Variants in PCDHGA6 observed in about 807,000 individuals in gnomAD.
PCDHGA6 encodes the protein protocadherin gamma subfamily A, 6, also known as protocadherin gamma-A6.
PCDHGA6 carries 41 observed loss-of-function variants against 60.6 expected under a neutral mutation model. The observed-to-expected ratio is 0.68, with a 90% confidence interval of 0.53 to 0.88. PCDHGA6 has a LOEUF of 0.88. Ranked by LOEUF, PCDHGA6 falls within the 40% of genes least tolerant of loss-of-function variation. The pLI, the probability that PCDHGA6 is intolerant of heterozygous loss-of-function variation, is 0.00. For missense variants in PCDHGA6, 1,312 were observed against 1,203.0 expected (o/e 1.09, Z -1.34); for synonymous variants, 594 against 524.4 (o/e 1.13, Z -1.81).
chr5:141,398,448 G>A lies in PCDHGA6; in HGVS notation c.2424+21941G>A, dbSNP rs1213915296. On this transcript the variant is annotated intron_variant, in intron 1 of 3. Coordinates refer to ENST00000517434, the MANE Select transcript of PCDHGA6 (RefSeq NM_018919.3). ...AGCCAGCTTGTGCTCTGGAATTTGAGGCTGTTGCTGAAAATCCACTGAACT... is the reference window on the plus strand; with the variant it reads ...AGCCAGCTTGTGCTCTGGAATTTGAAGCTGTTGCTGAAAATCCACTGAACT... 2.5e-6 allele frequency: 4 copies of A among 1,574,288 alleles called. No individual in the cohort carries two copies. In the Middle Eastern group the frequency reaches 5.2e-4, roughly 203 times the overall value.
rs745334496 is a variant in PCDHGA6 at position 141,478,302 on chromosome 5, C to A, written c.2425-16505C>A. 47 of 1,613,952 alleles carry A rather than the reference C, an allele frequency of 2.9e-5. 1 individual carries two copies. In the Admixed American group the frequency reaches 7.0e-4, roughly 24 times the overall value. On this transcript the variant is annotated intron_variant, in intron 1 of 3. Transcript: ENST00000517434. ...AAGCAGTCTAGAGACCTATACCGAGCCCCGGTGAGCTCACTGTACCGAACA... is the reference window on the plus strand; with the variant it reads ...AAGCAGTCTAGAGACCTATACCGAGACCCGGTGAGCTCACTGTACCGAACA...
rs1562129544 is a variant in PCDHGA6 at position 141,489,362 on chromosome 5, C to G, written c.2425-5445C>G. ...TACTCAGTGGTGGAGGAGTCTGAGC[C>G]GGGGACGCTGGTGGGGAATGTTGCT... On this transcript the variant is annotated intron_variant, in intron 1 of 3. Transcript: ENST00000517434. This position sits in a 1 kb window ranked among gnomAD's most constrained non-coding sequence, Gnocchi z 4.5. 6.2e-7 allele frequency: 1 copy of G among 1,613,052 alleles called. No individual in the cohort carries two copies. Among genetic ancestry groups the G allele is most frequent in the Non-Finnish European group, 8.5e-7 (1 of 1,179,268 alleles).
At position 141,374,885 on chromosome 5, in the gene PCDHGA6, G is replaced by C; in HGVS notation, c.802G>C (p.Asp268His). Residue 268 changes from aspartate to histidine, a missense_variant, in exon 1 of 4, where the codon GAC becomes CAC. Physicochemically the swap from Asp to His is moderately conservative, Grantham distance 81. Coordinates refer to ENST00000517434, the MANE Select transcript of PCDHGA6 (RefSeq NM_018919.3). ...GTPVLAVTAT[D>H]QDEGVHGEVT... ...ACCAGTGTTGGCAGTGACTGCCACC[G>C]ACCAGGATGAAGGAGTCCACGGGGA... 1 of 1,613,634 alleles carries C rather than the reference G, an allele frequency of 6.2e-7. No homozygotes were observed. The highest frequency in any genetic ancestry group is 8.5e-7 in the Non-Finnish European group (1 of 1,179,880).
intron 1 of PCDHGA6, chr5:141,391,390 C>G (rs1268177633): frequency 6.6e-6 from 1 of 151,476 alleles, no homozygotes; most frequent in Non-Finnish European, 1.5e-5. Context: ...ATAGCTCCCT[C>G]CAGCCTCAAA....
chr5:141,400,493 A>G, intron 1 of PCDHGA6: 2 of 1,614,014 alleles, frequency 1.2e-6, no homozygotes, highest in South Asian at 2.2e-5. Flanking sequence ...CCACTTTGTA[A>G]TTCCAGCGAG....
In PCDHGA6 at chr5:141,374,742, C is replaced by T. The variant is rs1382250910; in HGVS notation, c.659C>T (p.Pro220Leu). The stretch of plus-strand genomic sequence containing the variant: ...CTTACTGCCATGGATGGCGGCGACC[C>T]TGTCCGCTCAAGCGTCGCCCAAATT... ...LVLTAMDGGD[P>L]VRSSVAQILV... Residue 220 changes from proline (P) to leucine (L), a missense_variant, in exon 1 of 4, where the codon CCT becomes CTT. Coordinates refer to ENST00000517434, the MANE Select transcript of PCDHGA6 (RefSeq NM_018919.3). 8.7e-6 allele frequency: 14 copies of T among 1,611,846 alleles called. No homozygotes were observed. The highest frequency in any genetic ancestry group is 1.3e-5 in the African/African-American group (1 of 75,026).
intron 2 of PCDHGA6, among the ~76,000 whole-genome samples, chr5:141,501,290 T>TACACACACACACAC (rs55762287): frequency 7.3e-6 from 1 of 136,164 alleles, no homozygotes; most frequent in Non-Finnish European, 1.6e-5. Context: ...TATTCCCTTA[T>TACACACACACACAC]ACACACACAC....
chr5:141,506,398 A>T (rs902405970), intron 3 of PCDHGA6, among the ~76,000 whole-genome samples: 6 of 151,394 alleles, frequency 4.0e-5, no homozygotes, highest in Admixed American at 2.6e-4. Context: ...GTGAGCAGAA[A>T]ATCGCACCAC....
At chr5:141,427,707 T>C in intron 1 of PCDHGA6, 1 of 1,011,828 alleles carries the variant, frequency 9.9e-7, no homozygotes, top group Non-Finnish European at 1.5e-6. Context: ...AGTCAGCGCC[T>C]CTGACCTGGA....
chr5:141,413,841 T>G, intron 1 of PCDHGA6: 1 of 1,613,060 alleles, frequency 6.2e-7, no homozygotes, highest in Non-Finnish European at 8.5e-7. Context: ...CCGACGGGGG[T>G]GACCCTCTCC....
chr5:141,455,798 T>TA (rs2098831882), intron 1 of PCDHGA6, among the ~76,000 whole-genome samples: 1 of 152,036 alleles, frequency 6.6e-6, no homozygotes, highest in African/African-American at 2.4e-5. Flanking sequence ...GGAGATGCTT[T>TA]AAAAAATGAA....
At chr5:141,414,435 C>G (rs891322256) in intron 1 of PCDHGA6, 2 of 1,613,678 alleles carry the variant, frequency 1.2e-6, no homozygotes, top group African/African-American at 1.3e-5. Context: ...AACAGGTATC[C>G]TCTTACAATA....
intron 1 of PCDHGA6, chr5:141,424,706 T>G (rs752721357): frequency 4.6e-5 from 7 of 152,190 alleles, no homozygotes; most frequent in Non-Finnish European, 8.8e-5. Context: ...TTTGTTCATT[T>G]TCAGTGTAGT....
intron 1 of PCDHGA6, chr5:141,415,489 C>G: frequency 6.2e-7 from 1 of 1,614,220 alleles, no homozygotes; most frequent in Non-Finnish European, 8.5e-7. Flanking sequence ...AAAGAGTCAC[C>G]TGATCTTCCC....
chr5:141,470,297 T>A (rs2099227289), intron 1 of PCDHGA6, among the ~76,000 whole-genome samples: 2 of 152,348 alleles, frequency 1.3e-5, no homozygotes, highest in Admixed American at 1.3e-4. Flanking sequence ...TAACTGTTTT[T>A]ATTCCATTTT....
In PCDHGA6 at chr5:141,431,354, G is replaced by T. The variant is rs777198567; in HGVS notation, c.2424+54847G>T. The T allele has an allele frequency of 1.9e-6, 3 of 1,614,036 alleles. No individual in the cohort carries two copies. In the South Asian group the frequency reaches 3.3e-5, roughly 18 times the overall value. ...GTACCCCGAATTGGTGCTGAAACGC[G>T]CCCTGGACCGCGAAGAAAAGGCTGC... On this transcript the variant is annotated intron_variant, in intron 1 of 3. Coordinates refer to ENST00000517434, the MANE Select transcript of PCDHGA6 (RefSeq NM_018919.3). This position sits in a 1 kb window ranked among gnomAD's most constrained non-coding sequence, Gnocchi z 4.8.
chr5:141,423,887 T>C, intron 1 of PCDHGA6: 2 of 1,282,240 alleles, frequency 1.6e-6, no homozygotes, highest in Non-Finnish European at 2.0e-6. Context: ...CTTGGCATAT[T>C]TTCTTTTGAT....
chr5:141,432,659 G>A lies in PCDHGA6; in HGVS notation c.2424+56152G>A. On this transcript the variant is annotated intron_variant, in intron 1 of 3. Coordinates refer to ENST00000517434, the MANE Select transcript of PCDHGA6 (RefSeq NM_018919.3). This position sits in a 1 kb window ranked among gnomAD's most constrained non-coding sequence, Gnocchi z 6.0. ...GGTGCGCACGGCGCGAGCCCTGCTG[G>A]ACAGAGACGCGCTCAAGCAGAGCCT... 1 of 1,613,884 alleles carries A rather than the reference G, an allele frequency of 6.2e-7. No homozygotes were observed. The highest frequency in any genetic ancestry group is 8.5e-7 in the Non-Finnish European group (1 of 1,179,956).
intron 1 of PCDHGA6, chr5:141,385,485 A>G: frequency 7.1e-7 from 1 of 1,418,146 alleles, no homozygotes; most frequent in Admixed American, 3.0e-5. Flanking sequence ...AATATAGAAC[A>G]CATAGGATAT....
Sources: allele counts gnomAD v4.1 joint callset (sites outside exome capture counted in the v4.1 genomes callset), GRCh38; gene constraint gnomAD v4.1.1; non-coding constraint Gnocchi (gnomAD v3.1); transcripts MANE v1.5; gene names NCBI Gene and HGNC (gene_info 2026-07-23, HGNC 2026-07-21).